CCDC154: variants seen among roughly 807,000 people sequenced by gnomAD.
CCDC154 encodes coiled-coil domain containing 154.
A neutral mutation model predicts 87.5 loss-of-function variants in CCDC154; 91 were observed. The observed-to-expected ratio is 1.04, with a 90% CI of 0.88 to 1.24. The LOEUF is 1.24. CCDC154 is among the 50% of genes most tolerant of loss of function. CCDC154 has a pLI of 0.00. For synonymous variants in CCDC154, 418 were observed against 400.4 expected (o/e 1.04, Z -0.52); for missense variants, 903 against 879.2 (o/e 1.03, Z -0.34).
chr16:1,435,885 G>T (rs1344142341), intron 14 of CCDC154, 84 bp downstream of exon 14: 2 of 1,166,314 alleles, frequency 1.7e-6, no homozygotes, highest in Non-Finnish European at 2.4e-6. Context: ...TAGGCTGGGG[G>T]TCCTGCCTCT....
intron 4 of CCDC154, 75 bp from the exon 5 acceptor site, chr16:1,443,050 G>C (rs1039419469): frequency 6.6e-7 from 1 of 1,505,208 alleles, no homozygotes; most frequent in Non-Finnish European, 9.0e-7. Context: ...TCTGGCCAAG[G>C]GGCCCCTGTG....
intron 11 of CCDC154, chr16:1,437,077 G>A (rs1435971717): frequency 2.8e-5 from 14 of 505,854 alleles, no homozygotes; most frequent in Non-Finnish European, 3.5e-5. Flanking sequence ...GGCAGGCCCC[G>A]GTGGGACCCA....
In CCDC154 at chr16:1,442,430, C is replaced by G; in HGVS notation, c.651G>C (p.Val217=). The G allele has an allele frequency of 6.5e-7, 1 of 1,549,702 alleles. No individual in the cohort carries two copies. The highest frequency in any genetic ancestry group is 8.7e-7 in the Non-Finnish European group (1 of 1,146,526). ...QKNQEDSSRR[V]DLEVARMQAQ... is the part of the protein sequence containing the mutation. ...CCTGCATTCTGGCCACCTCCAGGTCCACCCTCCGGCTGCTGTCCTCTTGGT... is the reference window on the plus strand; with the variant it reads ...CCTGCATTCTGGCCACCTCCAGGTCGACCCTCCGGCTGCTGTCCTCTTGGT... Residue 217 remains valine, a synonymous_variant, in exon 6 of 17, where the codon GTG becomes GTC. Coordinates refer to ENST00000389176, the MANE Select transcript of CCDC154 (RefSeq NM_001143980.3).
At chr16:1,440,654 A>T (rs1213171517) in intron 6 of CCDC154, among the ~76,000 whole-genome samples, 1 of 151,670 alleles carries the variant, frequency 6.6e-6, no homozygotes, top group African/African-American at 2.4e-5. Flanking sequence ...AAAACATCAA[A>T]AAATTAGCCA....
chr16:1,437,554 G>A (rs991007835), intron 11 of CCDC154: 8 of 449,010 alleles, frequency 1.8e-5, no homozygotes, highest in Non-Finnish European at 3.1e-5. Context: ...TGAGCTGCCC[G>A]CATGGCCGGG....
At chr16:1,443,351 C>T in intron 3 of CCDC154, 50 bp from the exon 4 acceptor site, 1 of 1,529,086 alleles carries the variant, frequency 6.5e-7, no homozygotes, top group Non-Finnish European at 8.8e-7. Context: ...CCGGGTCTGG[C>T]ACCTGCCCCT....
In CCDC154 at chr16:1,443,262, T is replaced by TC; in HGVS notation, c.453_454insG (p.Arg152GlufsTer151). ...TGCCCCTAGGTGTGTGGGGGGTACC[T>TC]TTTGTCCAGGGCCTGCATCTGGTTC... On this transcript the variant is annotated frameshift_variant and splice_region_variant, in exon 4 of 17. Transcript: ENST00000389176. LOFTEE classifies it high-confidence loss of function. The TC allele has an allele frequency of 1.9e-6, 3 of 1,548,434 alleles. No individual in the cohort carries two copies. The South Asian group carries it at 3.6e-5, about 18-fold the overall frequency.
rs1567256849 is a variant in CCDC154 at position 1,436,067 on chromosome 16, G to T, written c.1507C>A (p.Leu503Met). 2 of 1,550,290 alleles carry T rather than the reference G, an allele frequency of 1.3e-6. No individual in the cohort carries two copies. The highest frequency in any genetic ancestry group is 1.2e-5 in the South Asian group (1 of 84,068). ...AGTAGCGTGGCCAGCTCCTGCCGCA[G>T]GGCCCCAACCTTGAACTCCCTATGG... The part of the protein sequence containing the change: ...GKAREFKVGA[L>M]RQELATLLSS... Residue 503 changes from leucine (L) to methionine (M), a missense_variant, in exon 14 of 17, where the codon CTG becomes ATG. Transcript: ENST00000389176.
chr16:1,434,645 G>A lies in CCDC154; in HGVS notation c.1877+23C>T, dbSNP rs553549387. 321 of 1,492,814 alleles carry A rather than the reference G, an allele frequency of 2.2e-4. No homozygotes were observed. The African/African-American group carries it at 2.2e-3, about 10-fold the overall frequency. 92.5% of individuals were successfully genotyped at this position (1,492,814 alleles called of 1,614,324 possible). On this transcript the variant is annotated intron_variant, in intron 16 of 16. Transcript: ENST00000389176. Reference sequence around the variant, plus strand: ...CCCCGGCCCAAAGGCCCAGGAGGCCGCGCCGGGATCCCTGCTGCCCACCTC... The same window carrying A: ...CCCCGGCCCAAAGGCCCAGGAGGCCACGCCGGGATCCCTGCTGCCCACCTC...
At position 1,438,947 on chromosome 16, in the gene CCDC154, T is replaced by G. The variant is rs1354165185; in HGVS notation, c.778-4A>C. The stretch of plus-strand genomic sequence containing the variant: ...AGCTCTCCGAGGCCTTCATTCTCTG[T>G]GGGGAGACCCCACTGTCAGCTGCAG... On this transcript the variant is annotated splice_polypyrimidine_tract_variant and splice_region_variant and intron_variant, in intron 7 of 16. Transcript: ENST00000389176. The G allele has an allele frequency of 3.2e-6, 5 of 1,548,840 alleles. No individual in the cohort carries two copies. The East Asian group carries it at 1.2e-4, about 38-fold the overall frequency.
intron 13 of CCDC154, 55 bp from the exon 14 acceptor site, chr16:1,436,141 G>T: frequency 1.4e-6 from 2 of 1,440,538 alleles, no homozygotes; most frequent in South Asian, 1.2e-5. Flanking sequence ...GGTAGGGCCA[G>T]GACCGGGGAC....
rs2142350694 is a variant in CCDC154, at chr16:1,436,068, G to C, written c.1506C>G (p.Ala502=). The C allele has an allele frequency of 1.9e-6, 3 of 1,550,278 alleles. No individual in the cohort carries two copies. In the East Asian group the frequency reaches 7.3e-5, roughly 38 times the overall value. Residue 502 remains alanine (A), a synonymous_variant, in exon 14 of 17, where the codon GCC becomes GCG. Coordinates refer to ENST00000389176, the MANE Select transcript of CCDC154 (RefSeq NM_001143980.3). The part of the protein sequence containing the change: ...EGKAREFKVG[A]LRQELATLLS... ...GTAGCGTGGCCAGCTCCTGCCGCAG[G>C]GCCCCAACCTTGAACTCCCTATGGG... is the stretch of plus-strand genomic sequence containing the variant.
intron 15 of CCDC154, 29 bp from the exon 16 acceptor site, chr16:1,434,881 A>T: frequency 6.8e-7 from 1 of 1,476,810 alleles, no homozygotes; most frequent in Non-Finnish European, 9.0e-7. Flanking sequence ...GGTGTCACCC[A>T]GGAGCCAGAC....
At position 1,438,721 on chromosome 16, in the gene CCDC154, T is replaced by C; in HGVS notation, c.923A>G (p.Glu308Gly). The change falls in exon 9 of 17, where the codon GAG becomes GGG. Residue 308 changes from glutamate to glycine, a missense_variant. Glu to Gly is a moderately conservative substitution (Grantham distance 98, BLOSUM62 -2). Transcript: ENST00000389176. ...QGQHEESHLL[E>G]QCQGLDAAVA... is the part of the protein sequence containing the mutation. ...GGCAGCATCCAGGCCCTGGCACTGCTCCAGGAGGTGGCTCTCCTGCCAGGG... is the reference window on the plus strand; with the variant it reads ...GGCAGCATCCAGGCCCTGGCACTGCCCCAGGAGGTGGCTCTCCTGCCAGGG... 1.9e-6 allele frequency: 3 copies of C among 1,549,768 alleles called. No homozygotes were observed. Among genetic ancestry groups the C allele is most frequent in the Middle Eastern group, 3.3e-4 (2 of 5,974 alleles).
At chr16:1,437,562 G>C in intron 11 of CCDC154, 1 of 459,232 alleles carries the variant, frequency 2.2e-6, no homozygotes, top group Non-Finnish European at 3.8e-6. Flanking sequence ...CCGCATGGCC[G>C]GGCCGTGGGC....
At chr16:1,441,945 T>C (rs1331566535) in intron 6 of CCDC154, among the ~76,000 whole-genome samples, 1 of 151,608 alleles carries the variant, frequency 6.6e-6, no homozygotes, top group Non-Finnish European at 1.5e-5. Context: ...TTTTTTGAAA[T>C]GGAGTCTCAC....
rs2038591726 is a variant in CCDC154 at position 1,444,409 on chromosome 16, A to G, written c.-87T>C. 5 of 1,231,910 alleles carry G rather than the reference A, an allele frequency of 4.1e-6. No individual in the cohort carries two copies. In the South Asian group the frequency reaches 6.7e-5, roughly 16 times the overall value. 76.3% of individuals were successfully genotyped at this position (1,231,910 alleles called of 1,614,324 possible). ...GGTTGCCCAGAGCTGGGCACAGGCC[A>G]GGGGGGTCAGGAGCCAGAGGAAGTC... On this transcript the variant is annotated 5_prime_UTR_variant, in exon 1 of 17. Transcript: ENST00000389176.
chr16:1,439,826 T>C (rs534641953), intron 6 of CCDC154, among the ~76,000 whole-genome samples: 1 of 152,226 alleles, frequency 6.6e-6, no homozygotes, highest in African/African-American at 2.4e-5. Context: ...ATTGACAACA[T>C]GTAAAAAATG....
intron 14 of CCDC154, 64 bp from the exon 15 acceptor site, chr16:1,435,239 G>A (rs1009956324): frequency 5.0e-6 from 7 of 1,407,578 alleles, no homozygotes; most frequent in Non-Finnish European, 5.9e-6. Flanking sequence ...TGTCCCCACA[G>A]GCACCCCGAT....
Sources: gnomAD v4.1 joint callset for allele counts (sites outside exome capture counted in the v4.1 genomes callset) on GRCh38, gnomAD v4.1.1 for gene constraint, MANE v1.5 for transcripts, NCBI Gene and HGNC (gene_info 2026-07-23, HGNC 2026-07-21) for gene names.